The following USP24 variants were observed in gnomAD, a reference collection of about 807,000 sequenced individuals.
USP24 encodes ubiquitin carboxyl-terminal hydrolase 24.
USP24 carries 97 observed loss-of-function variants against 361.6 expected under a neutral mutation model. That is an observed-to-expected ratio of 0.27 (90% CI 0.23 to 0.32). The LOEUF is 0.32. Ranked by LOEUF, USP24 falls within the 10% of genes least tolerant of loss-of-function variation. USP24 has a pLI of 1.00. For missense variants in USP24, 2,353 were observed against 3,165.6 expected (o/e 0.74, Z 6.16); for synonymous variants, 1,098 against 1,124.6 (o/e 0.98, Z 0.47).
chr1:55,127,252 GTTCCCC>G (rs987236048), intron 32 of USP24, among the ~76,000 whole-genome samples: 16 of 151,884 alleles, frequency 1.1e-4, no homozygotes, highest in African/African-American at 3.6e-4. Context: ...AGAGTGTGAT[GTTCCCC>G]TTCCTGTGTC....
rs138791332 is a variant in USP24 at position 55,163,335 on chromosome 1, A to C, written c.928-1071T>G. ...AGATACCATCAATAAAAATGAAAAG[A>C]AGCAAAATACTAGGAGAAAAGATTT... On this transcript the variant is annotated intron_variant, in intron 7 of 67. Transcript: ENST00000294383. 3.1e-3 allele frequency among the ~76,000 whole-genome samples: 475 copies of C among 152,160 alleles called. 1 individual carries two copies. Among genetic ancestry groups the C allele is most frequent in the African/African-American group, 0.011 (440 of 41,568 alleles).
chr1:55,182,909 G>T (rs1298216500), intron 1 of USP24, among the ~76,000 whole-genome samples: 1 of 152,080 alleles, frequency 6.6e-6, no homozygotes, highest in African/African-American at 2.4e-5. Flanking sequence ...GAGAGAGACA[G>T]GGTTTCGCCA....
chr1:55,191,322 T>A (rs1644280369), intron 1 of USP24, among the ~76,000 whole-genome samples: 1 of 152,342 alleles, frequency 6.6e-6, no homozygotes, highest in Non-Finnish European at 1.5e-5. Context: ...AATTTTTTTA[T>A]GCCCACAAAT....
chr1:55,173,720 T>G (rs1055517403), intron 3 of USP24, among the ~76,000 whole-genome samples: 2 of 152,248 alleles, frequency 1.3e-5, no homozygotes, highest in Admixed American at 1.3e-4. Flanking sequence ...TTAGCCGCAC[T>G]ACTTGCTCAA....
chr1:55,147,827 G>A, intron 17 of USP24, 29 bp from the exon 18 acceptor site: 2 of 1,606,316 alleles, frequency 1.2e-6, no homozygotes, highest in Non-Finnish European at 1.7e-6. Flanking sequence ...AAGAAAAGTG[G>A]TAATGAGAAT....
At chr1:55,113,492 A>G (rs1468880260) in intron 38 of USP24, among the ~76,000 whole-genome samples, 1 of 152,206 alleles carries the variant, frequency 6.6e-6, no homozygotes, top group African/African-American at 2.4e-5. Context: ...AAACTATTCC[A>G]AGCAACAGAA....
Position 55,148,499 on chromosome 1 carries a change from G to A in USP24, c.1932C>T (p.Arg644=). 6.3e-7 allele frequency: 1 copy of A among 1,592,910 alleles called. No individual in the cohort carries two copies. ...PALRQLHEIT[R]SFIKQTYQKQ... ...TTTGATAGGTTTGTTTTATGAATGA[G>A]CGAGTAATTTCATGGAGCTGACGCA... Residue 644 remains arginine, a synonymous_variant, in exon 17 of 68, where the codon CGC becomes CGT. Coordinates refer to ENST00000294383, the MANE Select transcript of USP24 (RefSeq NM_015306.3).
rs1408732349 is a variant in USP24 at position 55,166,000 on chromosome 1, T to C, written c.862-50A>G. 3.9e-6 allele frequency: 6 copies of C among 1,545,516 alleles called. No homozygotes were observed. In the South Asian group the frequency reaches 7.2e-5, roughly 19 times the overall value. ...AAGTTATTTTTCTCTTTAATTTTTTTATTTTGAAAAATTTCTATTGGTACA... is the reference window on the plus strand; with the variant it reads ...AAGTTATTTTTCTCTTTAATTTTTTCATTTTGAAAAATTTCTATTGGTACA... On this transcript the variant is annotated intron_variant, in intron 6 of 67. Coordinates refer to ENST00000294383, the MANE Select transcript of USP24 (RefSeq NM_015306.3).
At chr1:55,147,867 C>G (rs1242829084) in intron 17 of USP24, 69 bp from the exon 18 acceptor site, 2 of 1,525,700 alleles carry the variant, frequency 1.3e-6, no homozygotes, top group African/African-American at 2.7e-5. Flanking sequence ...TTAATACAAG[C>G]TGCTATTTAA....
intron 55 of USP24, among the ~76,000 whole-genome samples, chr1:55,087,849 G>A (rs920090487): frequency 2.6e-5 from 4 of 152,192 alleles, no homozygotes; most frequent in African/African-American, 9.7e-5. Context: ...TGCTATTCAC[G>A]CTGATGTCTG....
chr1:55,178,495 C>T (rs948302274), intron 1 of USP24, among the ~76,000 whole-genome samples: 2 of 151,824 alleles, frequency 1.3e-5, no homozygotes, highest in Non-Finnish European at 1.5e-5. Context: ...GGTGAAACCC[C>T]GTCTCTATTA....
intron 32 of USP24, among the ~76,000 whole-genome samples, chr1:55,129,148 T>C (rs915712529): frequency 3.3e-5 from 5 of 152,302 alleles, no homozygotes; most frequent in African/African-American, 7.2e-5. Flanking sequence ...TTGCACAATA[T>C]GGATTTACAG....
intron 1 of USP24, among the ~76,000 whole-genome samples, chr1:55,184,601 G>A (rs1296015143): frequency 6.6e-6 from 1 of 152,122 alleles, no homozygotes; most frequent in Admixed American, 6.5e-5. Context: ...CACATTTACA[G>A]AACTCTCCAC....
intron 12 of USP24, among the ~76,000 whole-genome samples, chr1:55,156,510 CTA>C (rs1647676925): frequency 6.6e-6 from 1 of 152,030 alleles, no homozygotes; most frequent in Non-Finnish European, 1.5e-5. Flanking sequence ...AAATTGAAGA[CTA>C]TGTTGGATTC....
chr1:55,072,657 C>A, intron 65 of USP24, 129 bp downstream of exon 65: 1 of 978,142 alleles, frequency 1.0e-6, no homozygotes, highest in Non-Finnish European at 1.5e-6. Flanking sequence ...TAAACTGTAG[C>A]AAAGAAATGT....
At chr1:55,159,437 C>A (rs1648037913) in intron 9 of USP24, among the ~76,000 whole-genome samples, 174 bp downstream of exon 9, 1 of 152,154 alleles carries the variant, frequency 6.6e-6, no homozygotes, top group South Asian at 2.1e-4. Context: ...GAGGTAACAA[C>A]CACCAATGGT....
intron 52 of USP24, chr1:55,093,500 G>A: frequency 6.3e-6 from 1 of 158,652 alleles, no homozygotes; most frequent in Admixed American, 6.1e-5. Flanking sequence ...ACAAATTAAA[G>A]ATGTGCTTAA....
At chr1:55,070,368 G>A (rs1463422401) in intron 67 of USP24, among the ~76,000 whole-genome samples, 1 of 152,194 alleles carries the variant, frequency 6.6e-6, no homozygotes, top group East Asian at 1.9e-4. Flanking sequence ...TCCAGAAGAG[G>A]CAGTACTAGG....
intron 43 of USP24, 145 bp downstream of exon 43, chr1:55,101,439 T>C: frequency 8.9e-7 from 1 of 1,125,332 alleles, no homozygotes; most frequent in South Asian, 1.6e-5. Context: ...ACACAACATG[T>C]CTTTACACAT....
Sources: gnomAD v4.1 joint callset for allele counts (sites outside exome capture counted in the v4.1 genomes callset) on GRCh38, gnomAD v4.1.1 for gene constraint, MANE v1.5 for transcripts, NCBI Gene and HGNC (gene_info 2026-07-23, HGNC 2026-07-21) for gene names.